The following GPHN variants were observed in gnomAD, a reference collection of about 807,000 sequenced individuals.
The protein encoded by GPHN is gephyrin.
In GPHN, 17 loss-of-function variants were observed where a neutral mutation model predicts 95.5. That is an observed-to-expected ratio of 0.18 (90% confidence interval 0.12 to 0.27). The LOEUF (loss-of-function observed/expected upper bound fraction) is 0.27. Among genes scored for constraint, GPHN ranks in the 10% least tolerant of loss-of-function variants. The probability of loss-of-function intolerance (pLI) is 1.00; values close to 1 mark genes in which losing one functional copy is unlikely to be tolerated. For missense variants in GPHN, 660 were observed against 978.1 expected, an observed-to-expected ratio of 0.67 and a Z score of 4.34; for synonymous variants, 320 against 322.5, an observed-to-expected ratio of 0.99 and a Z score of 0.08.
At chr14:67,068,035 TCG>T (rs2076135640) in intron 11 of GPHN, among the ~76,000 whole-genome samples, 1 of 152,184 alleles carries the variant, frequency 6.6e-6, no homozygotes, top group Non-Finnish European at 1.5e-5. Context: ...GTCTTCTGCG[TCG>T]GTCATGCTGG....
At chr14:67,680,505 C>T in the GPHN span, among the ~76,000 whole-genome samples, 1 of 152,106 alleles carries the variant, frequency 6.6e-6, no homozygotes, top group Non-Finnish European at 1.5e-5. Flanking sequence ...TCACTGTTGC[C>T]CAGGCTGGAG....
rs1174282462 is a variant in GPHN, at chr14:66,730,739, AG to A, written c.144-45724del. Among the ~76,000 whole-genome samples, 3 of 152,216 alleles carry A rather than the reference AG, an allele frequency of 2.0e-5. No individual in the cohort carries two copies. The East Asian group carries it at 5.8e-4, about 29-fold the overall frequency. On this transcript the variant is annotated intron_variant, in intron 2 of 22. Transcript: ENST00000478722. ...TTATCAGCTAATTGAAAGCTCCTTG[AG>A]AGGAATATTTAATGGTTTAATTTTG...
chr14:66,547,340 T>C (rs529087182), intron 1 of GPHN, among the ~76,000 whole-genome samples: 1 of 152,388 alleles, frequency 6.6e-6, no homozygotes, highest in Admixed American at 6.5e-5. Context: ...CCATTTGTTT[T>C]GTGGAATCGA....
At chr14:66,543,668 C>T (rs1311780965) in intron 1 of GPHN, among the ~76,000 whole-genome samples, 3 of 152,146 alleles carry the variant, frequency 2.0e-5, no homozygotes, top group Non-Finnish European at 4.4e-5. Flanking sequence ...TAGTAAATGT[C>T]TACTCTTTTT....
intron 1 of GPHN, among the ~76,000 whole-genome samples, chr14:66,599,392 A>ATTGTTTTTTTTTT (rs2062125319): frequency 1.3e-5 from 1 of 76,524 alleles, no homozygotes. Context: ...TTTTTTTTGC[A>ATTGTTTTTTTTTT]TTTTTTTTTT....
At chr14:66,928,481 T>C (rs1206751437) in intron 8 of GPHN, among the ~76,000 whole-genome samples, 1 of 152,190 alleles carries the variant, frequency 6.6e-6, no homozygotes, top group African/African-American at 2.4e-5. Flanking sequence ...CTTTTCATTT[T>C]GTTGATCTTT....
At chr14:66,815,671 G>T (rs1264448627) in intron 3 of GPHN, among the ~76,000 whole-genome samples, 3 of 152,158 alleles carry the variant, frequency 2.0e-5, no homozygotes, top group Admixed American at 2.0e-4. Flanking sequence ...AGCACTAAGT[G>T]TGGAAAGGAA....
intron 5 of GPHN, among the ~76,000 whole-genome samples, chr14:66,892,235 CA>C (rs775930534): frequency 1.3e-5 from 2 of 152,046 alleles, no homozygotes; most frequent in Non-Finnish European, 2.9e-5. Flanking sequence ...CCAGCCTGAG[CA>C]AAATAGACCC....
At chr14:67,396,261 C>CAT in the GPHN span, among the ~76,000 whole-genome samples, 1 of 151,874 alleles carries the variant, frequency 6.6e-6, no homozygotes, top group African/African-American at 2.4e-5. Context: ...AATTCTCCTG[C>CAT]CTCAGCCTCT....
chr14:66,580,666 G>T (rs1170486271), intron 1 of GPHN, among the ~76,000 whole-genome samples: 1 of 151,786 alleles, frequency 6.6e-6, no homozygotes, highest in African/African-American at 2.4e-5. Context: ...AATTAAGGAA[G>T]TTGAATCAGC....
the GPHN span, among the ~76,000 whole-genome samples, chr14:67,477,534 C>T: frequency 5.9e-5 from 9 of 152,146 alleles, no homozygotes; most frequent in Admixed American, 2.0e-4. Context: ...TTTCTGTCCC[C>T]GGCCAGACCT....
At chr14:66,837,333 C>G (rs2061873923) in intron 4 of GPHN, among the ~76,000 whole-genome samples, 1 of 150,460 alleles carries the variant, frequency 6.6e-6, no homozygotes, top group African/African-American at 2.5e-5. Context: ...TCTCAGTAAA[C>G]TATCGCAAGA....
At chr14:66,878,648 T>C (rs995775681) in intron 4 of GPHN, among the ~76,000 whole-genome samples, 4 of 151,970 alleles carry the variant, frequency 2.6e-5, no homozygotes, top group Admixed American at 6.6e-5. Flanking sequence ...AAAATGCAAG[T>C]CAAAAACCAC....
At chr14:66,568,000 T>C (rs1024620806) in intron 1 of GPHN, among the ~76,000 whole-genome samples, 4 of 152,156 alleles carry the variant, frequency 2.6e-5, no homozygotes, top group African/African-American at 4.8e-5. Flanking sequence ...AAGAAGAAAA[T>C]GTTTATAAGT....
intron 13 of GPHN, among the ~76,000 whole-genome samples, chr14:67,107,617 A>G (rs1247570482): frequency 1.3e-5 from 2 of 152,164 alleles, no homozygotes; most frequent in African/African-American, 2.4e-5. Flanking sequence ...GTCACAGTGG[A>G]TAAGGTACTG....
chr14:67,122,422 C>T (rs367758194), intron 17 of GPHN, 45 bp downstream of exon 17: 42 of 1,576,308 alleles, frequency 2.7e-5, no homozygotes, highest in Non-Finnish European at 3.3e-5. Context: ...TGTACAAATA[C>T]GAGTTTTTGG....
At chr14:67,688,395 T>G in the GPHN span, among the ~76,000 whole-genome samples, 1 of 152,188 alleles carries the variant, frequency 6.6e-6, no homozygotes, top group Non-Finnish European at 1.5e-5. Flanking sequence ...ATGTACTAAA[T>G]GGAAAGATCT....
intron 1 of GPHN, among the ~76,000 whole-genome samples, chr14:66,519,513 AT>A (rs560574066): frequency 6.6e-6 from 1 of 151,710 alleles, no homozygotes; most frequent in Admixed American, 6.6e-5. Context: ...TAAAATCCAT[AT>A]TTTTTTTGCT....
At position 67,138,038 on chromosome 14, in the gene GPHN, T is replaced by C. The variant is rs541346081; in HGVS notation, c.1749-5324T>C. Among the ~76,000 whole-genome samples the C allele has an allele frequency of 2.0e-5, 3 of 152,288 alleles. No homozygotes were observed. In the East Asian group the frequency reaches 5.8e-4, roughly 29 times the overall value. On this transcript the variant is annotated intron_variant, in intron 17 of 22. Transcript: ENST00000478722. The stretch of plus-strand genomic sequence containing the variant: ...CAGTATTTGGTATATACAAATAAGA[T>C]TTATATATTTATATAAATGCTGATA...
Sources: allele counts gnomAD v4.1 joint callset (sites outside exome capture counted in the v4.1 genomes callset), GRCh38; gene constraint gnomAD v4.1.1; transcripts MANE v1.5; gene names NCBI Gene and HGNC (gene_info 2026-07-23, HGNC 2026-07-21).